SYTL3: variants seen among roughly 807,000 people sequenced by gnomAD.
The protein encoded by SYTL3 is synaptotagmin like 3, also known as synaptotagmin-like protein 3.
SYTL3 carries 88 observed loss-of-function variants against 82.1 expected under a neutral mutation model. That is an observed-to-expected ratio of 1.07 (90% confidence interval 0.90 to 1.28). The LOEUF (loss-of-function observed/expected upper bound fraction) is 1.28, where lower values mean the gene tolerates loss of function less well. Ranked by LOEUF, SYTL3 falls within the 50% of genes most tolerant of loss-of-function variation. The probability of loss-of-function intolerance (pLI) is 0.00; values close to 1 mark genes in which losing one functional copy is unlikely to be tolerated. For synonymous variants in SYTL3, 311 were observed against 289.4 expected, an observed-to-expected ratio of 1.07 and a Z score of -0.76; for missense variants, 831 against 757.6, an observed-to-expected ratio of 1.10 and a Z score of -1.14.
intron 11 of SYTL3, among the ~76,000 whole-genome samples, chr6:158,741,292 C>G (rs930988555): frequency 3.3e-5 from 5 of 152,196 alleles, no homozygotes; most frequent in Non-Finnish European, 7.3e-5. Flanking sequence ...TGGTCTCGAA[C>G]TCCTGACCTC....
intron 12 of SYTL3, among the ~76,000 whole-genome samples, chr6:158,750,884 C>A (rs369502033): frequency 3.3e-5 from 5 of 152,310 alleles, no homozygotes; most frequent in South Asian, 4.1e-4. Context: ...CAACCTCCAT[C>A]TCCCAGGTAC....
chr6:158,748,840 C>T (rs759887998), intron 12 of SYTL3, among the ~76,000 whole-genome samples: 3 of 130,108 alleles, frequency 2.3e-5, no homozygotes, highest in Non-Finnish European at 3.3e-5. Flanking sequence ...AGCAAAACTC[C>T]GCCTGAAAAA....
At chr6:158,683,215 CTTTTTTTTTTTT>C (rs35183958) in intron 6 of SYTL3, among the ~76,000 whole-genome samples, 70 of 92,140 alleles carry the variant, frequency 7.6e-4, no homozygotes, top group African/African-American at 3.2e-3. Context: ...GGCCCTATTC[CTTTTTTTTTTTT>C]TTTTTTTTTT....
intron 16 of SYTL3, among the ~76,000 whole-genome samples, 175 bp from the exon 17 acceptor site, chr6:158,763,129 G>A (rs957258855): frequency 4.6e-5 from 7 of 152,194 alleles, no homozygotes; most frequent in Admixed American, 6.5e-5. Flanking sequence ...TGCAGAATTC[G>A]GCCCTAAGGG....
upstream of SYTL3, among the ~76,000 whole-genome samples, chr6:158,649,127 T>C (rs1291953003): frequency 2.0e-5 from 3 of 152,164 alleles, no homozygotes; most frequent in East Asian, 5.8e-4. Flanking sequence ...TTTGTTCCAA[T>C]GGGTAAATAT....
intron 12 of SYTL3, among the ~76,000 whole-genome samples, chr6:158,751,199 A>AT (rs1788340485): frequency 1.3e-5 from 2 of 150,856 alleles, no homozygotes; most frequent in African/African-American, 2.4e-5. Flanking sequence ...GCTCACTGTG[A>AT]TTTTTTACTT....
rs377223855 is a variant in SYTL3 at position 158,707,876 on chromosome 6, T to C, written c.447-446T>C. On this transcript the variant is annotated intron_variant, in intron 7 of 17. Coordinates refer to ENST00000611299, the MANE Select transcript of SYTL3 (RefSeq NM_001242394.2). ...CAATATCGAGACTTTTTCATTTTTT[T>C]CCTCCCCTGTTCTTTCCCATTTCTT... is the stretch of plus-strand genomic sequence containing the variant. Among the ~76,000 whole-genome samples, 65 of 152,360 alleles carry C rather than the reference T, an allele frequency of 4.3e-4. 1 individual carries two copies. The highest frequency in any genetic ancestry group is 1.5e-3 in the African/African-American group (64 of 41,586).
chr6:158,741,136 C>T (rs1487058883), intron 11 of SYTL3, among the ~76,000 whole-genome samples: 1 of 152,180 alleles, frequency 6.6e-6, no homozygotes, highest in Admixed American at 6.6e-5. Context: ...GGTGCCATCT[C>T]AGCTCACTGC....
At chr6:158,758,701 A>G (rs1265344318) in intron 14 of SYTL3, among the ~76,000 whole-genome samples, 1 of 152,010 alleles carries the variant, frequency 6.6e-6, no homozygotes, top group African/African-American at 2.4e-5. Context: ...GACTCCCCCA[A>G]GCTAGAGTCC....
intron 9 of SYTL3, among the ~76,000 whole-genome samples, chr6:158,716,101 G>A (rs983828263): frequency 2.6e-5 from 4 of 152,156 alleles, no homozygotes; most frequent in African/African-American, 4.8e-5. Flanking sequence ...TCAAACCAGC[G>A]GGAGGAAATG....
upstream of SYTL3, among the ~76,000 whole-genome samples, chr6:158,647,284 A>G (rs1787540842): frequency 6.6e-6 from 1 of 152,244 alleles, no homozygotes; most frequent in African/African-American, 2.4e-5. Context: ...CTCCAATTTT[A>G]ACTATTAAAG....
intron 11 of SYTL3, among the ~76,000 whole-genome samples, chr6:158,727,092 C>T (rs879875829): frequency 6.6e-6 from 1 of 152,104 alleles, no homozygotes; most frequent in Non-Finnish European, 1.5e-5. Flanking sequence ...CCTCGTGATC[C>T]ACGTGCCTCG....
intron 6 of SYTL3, among the ~76,000 whole-genome samples, chr6:158,686,966 G>T (rs144355293): frequency 2.0e-5 from 3 of 152,232 alleles, no homozygotes; most frequent in African/African-American, 7.2e-5. Flanking sequence ...GGAAAAAGTG[G>T]TTTTGCATGT....
chr6:158,647,741 A>C (rs1052989297), upstream of SYTL3, among the ~76,000 whole-genome samples: 2 of 152,276 alleles, frequency 1.3e-5, no homozygotes, highest in African/African-American at 4.8e-5. Flanking sequence ...ACTGCTCATG[A>C]ATCTTTGGCA....
At chr6:158,675,580 G>A (rs532681315) in intron 5 of SYTL3, among the ~76,000 whole-genome samples, 169 of 152,142 alleles carry the variant, frequency 1.1e-3, no homozygotes, top group African/African-American at 3.9e-3. Flanking sequence ...TTGGGAGGCC[G>A]AGGTGGGTGG....
At chr6:158,656,724 C>CA (rs762659950) in intron 2 of SYTL3, among the ~76,000 whole-genome samples, 165 of 136,312 alleles carry the variant, frequency 1.2e-3, no homozygotes, top group South Asian at 4.2e-3. Flanking sequence ...GACTCTGTCT[C>CA]AAAAAAAAAA....
chr6:158,747,401 AC>A, intron 12 of SYTL3, among the ~76,000 whole-genome samples: 1 of 152,182 alleles, frequency 6.6e-6, no homozygotes, highest in Non-Finnish European at 1.5e-5. Context: ...TTGCTTTGTC[AC>A]CCAGCTTGGA....
chr6:158,719,544 G>A (rs1275770522), intron 10 of SYTL3, among the ~76,000 whole-genome samples: 1 of 152,178 alleles, frequency 6.6e-6, no homozygotes, highest in Non-Finnish European at 1.5e-5. Context: ...GAGGTGTCTA[G>A]ACAGTTTGAA....
At chr6:158,647,212 C>T (rs1038059891), upstream of SYTL3, among the ~76,000 whole-genome samples, 1 of 152,226 alleles carries the variant, frequency 6.6e-6, no homozygotes, top group Non-Finnish European at 1.5e-5. Context: ...CAACAGAAAA[C>T]ATGCAAATGT....
Sources: allele counts gnomAD v4.1 joint callset (sites outside exome capture counted in the v4.1 genomes callset), GRCh38; gene constraint gnomAD v4.1.1; transcripts MANE v1.5; gene names NCBI Gene and HGNC (gene_info 2026-07-23, HGNC 2026-07-21).